Variants in SLC17A5 observed in about 807,000 individuals in gnomAD.
The protein encoded by SLC17A5 is sialin.
Under a neutral mutation model 59.4 loss-of-function variants are expected in SLC17A5, and 47 were observed. That is an observed-to-expected ratio of 0.79 (90% CI 0.63 to 1.01). The LOEUF is 1.01. SLC17A5 is among the 50% of genes least tolerant of loss of function. The pLI, the probability that SLC17A5 is intolerant of heterozygous loss-of-function variation, is 0.00. For missense variants in SLC17A5, 522 were observed against 595.5 expected (o/e 0.88, Z 1.28); for synonymous variants, 202 against 210.7 (o/e 0.96, Z 0.36).
chr6:73,601,285 A>G (rs1767069177), intron 9 of SLC17A5, among the ~76,000 whole-genome samples: 1 of 135,112 alleles, frequency 7.4e-6, no homozygotes, highest in African/African-American at 2.8e-5. Flanking sequence ...CCGTCTGAGA[A>G]GTGAGGAGCC....
chr6:73,607,821 G>T (rs1166733799), intron 9 of SLC17A5, among the ~76,000 whole-genome samples: 7 of 143,780 alleles, frequency 4.9e-5, no homozygotes, highest in African/African-American at 1.8e-4. Context: ...TTGTCACCCA[G>T]GCTGGAGCAC....
At chr6:73,610,148 C>T (rs955389873) in intron 9 of SLC17A5, among the ~76,000 whole-genome samples, 3 of 152,024 alleles carry the variant, frequency 2.0e-5, no homozygotes, top group African/African-American at 7.2e-5. Flanking sequence ...ATTCTCCTGC[C>T]TCAGCCTCCT....
Position 73,636,717 on chromosome 6 carries a change from C to T in SLC17A5, c.614-10G>A, listed in dbSNP as rs565101031. 35 of 1,573,754 alleles carry T rather than the reference C, an allele frequency of 2.2e-5. No individual in the cohort carries two copies. In the South Asian group the frequency reaches 3.7e-4, roughly 16 times the overall value. On this transcript the variant is annotated splice_polypyrimidine_tract_variant and intron_variant, in intron 4 of 10. Transcript: ENST00000355773. The stretch of plus-strand genomic sequence containing the variant: ...GTCCCAAGCTGTGCTCCTAGAACAA[C>T]ACATAAGACTATTTTATAAACTTTG...
chr6:73,601,200 G>T (rs527637842), intron 9 of SLC17A5, among the ~76,000 whole-genome samples: 1 of 149,180 alleles, frequency 6.7e-6, no homozygotes. Flanking sequence ...CCGCCGCCCC[G>T]TCTGGGATGT....
At chr6:73,634,548 T>A (rs2150111576) in intron 6 of SLC17A5, among the ~76,000 whole-genome samples, 1 of 152,274 alleles carries the variant, frequency 6.6e-6, no homozygotes, top group South Asian at 2.1e-4. Flanking sequence ...TACAGGTGTG[T>A]GCCACCATGC....
At chr6:73,595,841 G>T (rs1173193439) in intron 10 of SLC17A5, among the ~76,000 whole-genome samples, 3 of 151,630 alleles carry the variant, frequency 2.0e-5, no homozygotes, top group African/African-American at 7.3e-5. Flanking sequence ...GCCTTCCAAG[G>T]AGCTGGGATT....
chr6:73,653,559 G>C, intron 1 of SLC17A5: 1 of 851,662 alleles, frequency 1.2e-6, no homozygotes, highest in Non-Finnish European at 1.4e-6. Flanking sequence ...CGAGGCCCCG[G>C]CTCGGCTCCG....
rs546134 is a variant in SLC17A5, at chr6:73,615,083, G to A, written c.1111+232C>T. ...ATAGGATCTGATGCTACCGCCAGCT[G>A]GACAGTGTCAGAACTGAATTACAGG... On this transcript the variant is annotated intron_variant, in intron 8 of 10. Transcript: ENST00000355773. Among the ~76,000 whole-genome samples the A allele has an allele frequency of 0.42, 63,992 of 151,960 alleles. 14,354 individuals are homozygous for A. Among genetic ancestry groups the A allele is most frequent in the African/African-American group, 0.57 (23,680 of 41,434 alleles).
At chr6:73,650,197 C>CAAA (rs756204732) in intron 1 of SLC17A5, among the ~76,000 whole-genome samples, 6 of 39,012 alleles carry the variant, frequency 1.5e-4, no homozygotes, top group African/African-American at 2.5e-4. Context: ...CTTTTTTCTA[C>CAAA]AAAAAAAAAA....
At position 73,641,916 on chromosome 6, in the gene SLC17A5, C is replaced by T. The variant is rs751633344; in HGVS notation, c.300G>A (p.Lys100=). The change falls in exon 3 of 11, where the codon AAG becomes AAA. Residue 100 remains lysine, a synonymous_variant. Coordinates refer to ENST00000355773, the MANE Select transcript of SLC17A5 (RefSeq NM_012434.5). The part of the protein sequence containing the change: ...IKVHHNQTGK[K]YQWDAETQGW... The stretch of plus-strand genomic sequence containing the variant: ...CTTGAGTTTCTGCATCCCATTGGTA[C>T]TTCTTACCCTACAAAAATCAGAAAA... 1 of 1,613,664 alleles carries T rather than the reference C, an allele frequency of 6.2e-7. No individual in the cohort carries two copies. The highest frequency in any genetic ancestry group is 8.5e-7 in the Non-Finnish European group (1 of 1,179,558).
chr6:73,616,546 TACACAC>T (rs56306141), intron 7 of SLC17A5, among the ~76,000 whole-genome samples: 4,127 of 126,320 alleles, frequency 0.033, 194 homozygotes, highest in Admixed American at 0.14. Context: ...GTTTATTTAC[TACACAC>T]ACACACACAC....
intron 4 of SLC17A5, among the ~76,000 whole-genome samples, chr6:73,637,384 A>G (rs1312481944): frequency 2.0e-5 from 3 of 152,256 alleles, no homozygotes; most frequent in East Asian, 1.9e-4. Flanking sequence ...GATTTATTCA[A>G]TAGGTAAAAG....
intron 6 of SLC17A5, 21 bp downstream of exon 6, chr6:73,635,360 TA>T (rs1561997458): frequency 7.6e-7 from 1 of 1,307,782 alleles, no homozygotes; most frequent in East Asian, 2.3e-5. Flanking sequence ...ACATTATTTT[TA>T]AAATGTGTCA....
chr6:73,600,508 C>CTT (rs11349241), intron 9 of SLC17A5, 67 bp from the exon 10 acceptor site: 764 of 792,590 alleles, frequency 9.6e-4, no homozygotes, highest in African/African-American at 3.3e-3. Context: ...TTCTTTCCTT[C>CTT]TTTTTTTTTT....
chr6:73,638,435 T>C lies in SLC17A5; in HGVS notation c.590A>G (p.Lys197Arg), dbSNP rs1769125401. Reference protein sequence around the residue: ...SSWAPPLERSKLLSISYAGAQ... With the variant: ...SSWAPPLERSRLLSISYAGAQ... The stretch of plus-strand genomic sequence containing the variant: ...ACCTGCATATGAAATGCTAAGAAGT[T>C]TGCTTCTTTCAAGAGGGGGAGCCCA... Residue 197 changes from lysine to arginine, a missense_variant, in exon 4 of 11, where the codon AAA (lysine) becomes AGA (arginine). Physicochemically the swap from Lys to Arg is conservative, Grantham distance 26. Transcript: ENST00000355773. 1.2e-6 allele frequency: 2 copies of C among 1,613,770 alleles called. No individual in the cohort carries two copies. The highest frequency in any genetic ancestry group is 3.3e-5 in the Admixed American group (2 of 59,992).
chr6:73,612,042 G>T (rs480714), intron 8 of SLC17A5, among the ~76,000 whole-genome samples: 63,316 of 151,644 alleles, frequency 0.42, 14,039 homozygotes, highest in African/African-American at 0.57. Flanking sequence ...AAATAGGGTC[G>T]CATTCTGTTA....
At chr6:73,630,985 G>A (rs915829562) in intron 6 of SLC17A5, among the ~76,000 whole-genome samples, 1 of 150,850 alleles carries the variant, frequency 6.6e-6, no homozygotes, top group Non-Finnish European at 1.5e-5. Flanking sequence ...GGCGGATGTT[G>A]CAGTGAGCTG....
chr6:73,600,385 A>T lies in SLC17A5; in HGVS notation c.1316T>A (p.Val439Asp), dbSNP rs573439155. Residue 439 changes from valine to aspartate, a missense_variant, in exon 10 of 11, where the codon GTT (valine) becomes GAT (aspartate). Physicochemically the swap from Val to Asp is radical, Grantham distance 152. This residue lies in a region of SLC17A5 where 153 missense variants were observed against 168.5 expected (regional missense o/e 0.91). Coordinates refer to ENST00000355773, the MANE Select transcript of SLC17A5 (RefSeq NM_012434.5). Reference sequence around the variant, plus strand: ...CAGACTTTTAGCAATGACGGGCCCAACCATTCCTGGAATAGTGGCAAATGT... The same window carrying T: ...CAGACTTTTAGCAATGACGGGCCCATCCATTCCTGGAATAGTGGCAAATGT... ...TNTFATIPGM[V>D]GPVIAKSLTP... 1.9e-6 allele frequency: 3 copies of T among 1,614,162 alleles called. No homozygotes were observed. The highest frequency in any genetic ancestry group is 1.6e-4 in the Middle Eastern group (1 of 6,062).
chr6:73,615,537 AAG>A, intron 7 of SLC17A5, 90 bp from the exon 8 acceptor site: 1 of 1,265,456 alleles, frequency 7.9e-7, no homozygotes, highest in Non-Finnish European at 1.1e-6. Context: ...CACCACTTGA[AAG>A]CAAAGGAAAT....
Sources: gnomAD v4.1 joint callset for allele counts (sites outside exome capture counted in the v4.1 genomes callset) on GRCh38, gnomAD v4.1.1 for gene constraint, gnomAD v4.1.1 regional missense constraint, MANE v1.5 for transcripts, NCBI Gene and HGNC (gene_info 2026-07-23, HGNC 2026-07-21) for gene names.